SOS2: variants seen among roughly 807,000 people sequenced by gnomAD.
The protein encoded by SOS2 is SOS Ras/Rho guanine nucleotide exchange factor 2.
In SOS2, 65 loss-of-function variants were observed where a neutral mutation model predicts 148.2. The observed-to-expected ratio is 0.44, with a 90% confidence interval of 0.36 to 0.54. The LOEUF (loss-of-function observed/expected upper bound fraction) is 0.54, where lower values mean the gene tolerates loss of function less well. SOS2 is among the 20% of genes least tolerant of loss of function. SOS2 has a pLI of 0.00. For synonymous variants in SOS2, 539 were observed against 537.1 expected (o/e 1.00, Z -0.05); for missense variants, 1,341 against 1,590.2 (o/e 0.84, Z 2.67).
At chr14:50,216,638 G>C (rs989697559) in intron 1 of SOS2, among the ~76,000 whole-genome samples, 2 of 151,984 alleles carry the variant, frequency 1.3e-5, no homozygotes, top group Admixed American at 1.3e-4. Context: ...TGGAGGCTGA[G>C]GCAGGAGAAT....
At chr14:50,167,694 C>T (rs527860040) in intron 8 of SOS2, among the ~76,000 whole-genome samples, 1 of 152,090 alleles carries the variant, frequency 6.6e-6, no homozygotes, top group Admixed American at 6.6e-5. Context: ...CATGATGAAA[C>T]CCAGTCTCTA....
At position 50,218,437 on chromosome 14, in the gene SOS2, C is replaced by T. The variant is rs1291110173; in HGVS notation, c.87+12760G>A. Among the ~76,000 whole-genome samples the T allele has an allele frequency of 5.9e-5, 9 of 151,560 alleles. 1 individual carries two copies. The highest frequency in any genetic ancestry group is 5.9e-4 in the Admixed American group (9 of 15,198). ...ACTTGGGAGGCTGAGGTGAAAGAAT[C>T]GCTCGAACCCGGAAGGCGGAGGGTG... On this transcript the variant is annotated intron_variant, in intron 1 of 22. Coordinates refer to ENST00000216373, the MANE Select transcript of SOS2 (RefSeq NM_006939.4).
intron 9 of SOS2, 144 bp downstream of exon 9, chr14:50,161,338 G>T (rs1473451173): frequency 4.9e-6 from 3 of 612,160 alleles, no homozygotes; most frequent in East Asian, 6.0e-5. Context: ...GAGAGTAAAA[G>T]ACCAACATAA....
At chr14:50,199,291 T>C (rs945984060) in intron 4 of SOS2, among the ~76,000 whole-genome samples, 1 of 152,162 alleles carries the variant, frequency 6.6e-6, no homozygotes, top group Admixed American at 6.6e-5. Context: ...GGGAGTAACT[T>C]CAACATTGCA....
At chr14:50,180,940 C>G (rs1181765822) in intron 6 of SOS2, among the ~76,000 whole-genome samples, 1 of 150,598 alleles carries the variant, frequency 6.6e-6, no homozygotes, top group Non-Finnish European at 1.5e-5. Flanking sequence ...TCTGCAGAAC[C>G]GATATGAAAA....
chr14:50,220,662 TCA>T (rs1188387926), intron 1 of SOS2, among the ~76,000 whole-genome samples: 2 of 152,186 alleles, frequency 1.3e-5, no homozygotes, highest in Non-Finnish European at 1.5e-5. Flanking sequence ...TTAATAATTC[TCA>T]GAGTCCATGC....
intron 8 of SOS2, among the ~76,000 whole-genome samples, chr14:50,168,372 T>C (rs1248355639): frequency 6.6e-6 from 1 of 152,096 alleles, no homozygotes; most frequent in Non-Finnish European, 1.5e-5. Context: ...CTGGCATGCA[T>C]TACCACGCTC....
In SOS2 at chr14:50,231,256, A is replaced by C; in HGVS notation, c.28T>G (p.Phe10Val). 2 of 1,498,156 alleles carry C rather than the reference A, an allele frequency of 1.3e-6. No homozygotes were observed. The highest frequency in any genetic ancestry group is 1.8e-6 in the Non-Finnish European group (2 of 1,111,712). The allele number at this position is 1,498,156 out of a possible 1,614,324, so 92.8% of individuals were successfully genotyped here. A position where few individuals can be genotyped will look rare whatever the true frequency, so the allele number is the denominator to read the frequency against. MQQAPQPYE[F>V]FSEENSPKWR... is the part of the protein sequence containing the mutation. ...TTCGGACTGTTCTCCTCGCTGAAGA[A>C]CTCGTAAGGCTGCGGCGCCTGCTGC... Residue 10 changes from phenylalanine (F) to valine (V), a missense_variant, in exon 1 of 23, where the codon TTC (phenylalanine) becomes GTC (valine). Physicochemically the swap from Phe to Val is conservative, Grantham distance 50. Around this residue, in one of 4 missense-constraint regions of SOS2, gnomAD observed 574 missense variants for 711.1 expected, o/e 0.81. Transcript: ENST00000216373.
chr14:50,223,994 T>C (rs1887276576), intron 1 of SOS2, among the ~76,000 whole-genome samples: 1 of 151,402 alleles, frequency 6.6e-6, no homozygotes, highest in African/African-American at 2.4e-5. Flanking sequence ...GAAATAGAAG[T>C]CTAAAAATTG....
Position 50,231,253 on chromosome 14 carries a change from A to G in SOS2, c.31T>C (p.Phe11Leu), listed in dbSNP as rs1221101657. The part of the protein sequence containing the change: MQQAPQPYEF[F>L]SEENSPKWRG... ...CATTTCGGACTGTTCTCCTCGCTGA[A>G]GAACTCGTAAGGCTGCGGCGCCTGC... Residue 11 changes from phenylalanine to leucine, a missense_variant, in exon 1 of 23, where the codon TTC (phenylalanine) becomes CTC (leucine). By Grantham distance (22) the Phe-to-Leu change is conservative. Around this residue, in one of 4 missense-constraint regions of SOS2, gnomAD observed 574 missense variants for 711.1 expected, o/e 0.81. Transcript: ENST00000216373. The G allele has an allele frequency of 1.3e-6, 2 of 1,503,644 alleles. No homozygotes were observed. Among genetic ancestry groups the G allele is most frequent in the Non-Finnish European group, 1.8e-6 (2 of 1,114,590 alleles). The allele number at this position is 1,503,644 out of a possible 1,614,324, so 93.1% of individuals were successfully genotyped here.
At chr14:50,218,874 G>A (rs1325748442) in intron 1 of SOS2, among the ~76,000 whole-genome samples, 1 of 152,122 alleles carries the variant, frequency 6.6e-6, no homozygotes, top group African/African-American at 2.4e-5. Context: ...CAGCACGTTG[G>A]GAGGCCGAGA....
At chr14:50,181,118 C>G (rs1433468357) in intron 6 of SOS2, among the ~76,000 whole-genome samples, 1 of 152,104 alleles carries the variant, frequency 6.6e-6, no homozygotes, top group Non-Finnish European at 1.5e-5. Flanking sequence ...GTCTTTAGCA[C>G]TACAATTCCA....
chr14:50,199,912 C>T (rs1886431902), intron 3 of SOS2, 57 bp from the exon 4 acceptor site: 1 of 1,101,306 alleles, frequency 9.1e-7, no homozygotes, highest in South Asian at 1.5e-5. Flanking sequence ...GTATTACACA[C>T]TTAAAAAATT....
At chr14:50,226,499 C>A (rs1887381543) in intron 1 of SOS2, among the ~76,000 whole-genome samples, 1 of 152,166 alleles carries the variant, frequency 6.6e-6, no homozygotes, top group Non-Finnish European at 1.5e-5. Flanking sequence ...ATTTTTAAAT[C>A]AAAGCCCCTA....
At chr14:50,219,663 T>C (rs1224844241) in intron 1 of SOS2, among the ~76,000 whole-genome samples, 2 of 152,194 alleles carry the variant, frequency 1.3e-5, no homozygotes, top group African/African-American at 4.8e-5. Context: ...AATTGTACAT[T>C]GTAAATATAT....
chr14:50,159,733 T>G lies in SOS2; in HGVS notation c.1550A>C (p.Lys517Thr), dbSNP rs367970301. Residue 517 changes from lysine to threonine, a missense_variant, in exon 10 of 23, where the codon AAA becomes ACA. This residue lies in a region of SOS2 where 574 missense variants were observed against 711.1 expected (regional missense o/e 0.81). Transcript: ENST00000216373. ...AGCAAATATTATGCTGTTCTCATCT[T>G]TGGATACTAATTCAAATGCATGCTT... is the stretch of plus-strand genomic sequence containing the variant. Reference protein sequence around the residue: ...EHKHAFELVSKDENSIIFAAK... With the variant: ...EHKHAFELVSTDENSIIFAAK... The G allele has an allele frequency of 3.1e-6, 5 of 1,614,010 alleles. No individual in the cohort carries two copies. The highest frequency in any genetic ancestry group is 4.2e-6 in the Non-Finnish European group (5 of 1,179,996).
intron 16 of SOS2, among the ~76,000 whole-genome samples, chr14:50,144,265 A>C (rs1884388687): frequency 6.6e-6 from 1 of 152,026 alleles, no homozygotes; most frequent in Non-Finnish European, 1.5e-5. Context: ...TTTGAAGATA[A>C]GCTAATAAAA....
At chr14:50,209,004 G>C (rs1886768545) in intron 1 of SOS2, among the ~76,000 whole-genome samples, 1 of 152,112 alleles carries the variant, frequency 6.6e-6, no homozygotes, top group Admixed American at 6.5e-5. Context: ...TCCCCAGTGT[G>C]GCCTTATCCA....
At chr14:50,133,380 G>T (rs1883970257) in intron 19 of SOS2, among the ~76,000 whole-genome samples, 2 of 148,388 alleles carry the variant, frequency 1.3e-5, no homozygotes, top group African/African-American at 5.0e-5. Flanking sequence ...TTGTATTTTT[G>T]GTAGAGACAG....
Sources: gnomAD v4.1 joint callset for allele counts (sites outside exome capture counted in the v4.1 genomes callset) on GRCh38, gnomAD v4.1.1 for gene constraint, gnomAD v4.1.1 regional missense constraint, MANE v1.5 for transcripts, NCBI Gene and HGNC (gene_info 2026-07-23, HGNC 2026-07-21) for gene names.